Variants in CHL1 observed in about 807,000 individuals in gnomAD.
CHL1 encodes the protein neural cell adhesion molecule L1-like protein.
In CHL1, 96 loss-of-function variants were observed where a neutral mutation model predicts 141.9. The ratio of observed to expected loss-of-function variants is 0.68; its 90% CI spans 0.57 to 0.80. The LOEUF (loss-of-function observed/expected upper bound fraction) is 0.80, where lower values mean the gene tolerates loss of function less well. Among genes scored for constraint, CHL1 ranks in the 30% least tolerant of loss-of-function variants. The pLI is 0.00. For synonymous variants in CHL1, 613 were observed against 502.2 expected, an observed-to-expected ratio of 1.22 and a Z score of -2.95; for missense variants, 1,820 against 1,457.2, an observed-to-expected ratio of 1.25 and a Z score of -4.05.
In CHL1 at chr3:391,665, T is replaced by C. The variant is rs1271719255; in HGVS notation, c.2792-10T>C. On this transcript the variant is annotated splice_polypyrimidine_tract_variant and intron_variant, in intron 22 of 27. Transcript: ENST00000256509. ...TGATGTGAGTTTATTTTTGGTCTTG[T>C]GTTTTCTAGTACCTGAACAGCCAAC... 3 of 1,587,872 alleles carry C rather than the reference T, an allele frequency of 1.9e-6. No homozygotes were observed. Among genetic ancestry groups the C allele is most frequent in the Admixed American group, 3.6e-5 (2 of 55,656 alleles).
chr3:330,181 AG>A (rs1219567914), intron 5 of CHL1, among the ~76,000 whole-genome samples: 1 of 152,148 alleles, frequency 6.6e-6, no homozygotes, highest in Non-Finnish European at 1.5e-5. Context: ...AATAATAAAT[AG>A]AAAACTTAAA....
chr3:394,214 C>G lies in CHL1; in HGVS notation c.2915-479C>G, dbSNP rs185858209. Reference sequence around the variant, plus strand: ...TATTGATTCTATGTATACTGAGTAGCTATTTGGTGCCACATGTTAAACTAG... The same window carrying G: ...TATTGATTCTATGTATACTGAGTAGGTATTTGGTGCCACATGTTAAACTAG... On this transcript the variant is annotated intron_variant, in intron 23 of 27. Coordinates refer to ENST00000256509, the MANE Select transcript of CHL1 (RefSeq NM_006614.4). 7.8e-4 allele frequency among the ~76,000 whole-genome samples: 119 copies of G among 152,210 alleles called. 1 individual carries two copies. The Middle Eastern group carries it at 0.01, about 13-fold the overall frequency.
At chr3:344,867 T>C (rs1178883433) in intron 9 of CHL1, among the ~76,000 whole-genome samples, 158 bp downstream of exon 9, 1 of 152,152 alleles carries the variant, frequency 6.6e-6, no homozygotes, top group African/African-American at 2.4e-5. Flanking sequence ...CTCAGGACTG[T>C]TATTCCAGGT....
chr3:265,105 T>C (rs952716356), intron 2 of CHL1, among the ~76,000 whole-genome samples: 1 of 152,246 alleles, frequency 6.6e-6, no homozygotes, highest in African/African-American at 2.4e-5. Flanking sequence ...CCAAGTGCTG[T>C]GTTTATTTCT....
At chr3:197,712 C>A in intron 1 of CHL1, 2 of 438,822 alleles carry the variant, frequency 4.6e-6, no homozygotes, top group Non-Finnish European at 9.1e-6. Context: ...GCACGAAAAC[C>A]CAGAGAGGGG....
At chr3:350,949 T>G (rs909733170) in intron 10 of CHL1, among the ~76,000 whole-genome samples, 13 of 152,214 alleles carry the variant, frequency 8.5e-5, no homozygotes, top group Non-Finnish European at 2.9e-5. Context: ...CTATATAATT[T>G]GGCTACATCG....
rs1698387511 is a variant in CHL1 at position 197,056 on chromosome 3, C to T, written c.-182C>T. On this transcript the variant is annotated 5_prime_UTR_variant, in exon 1 of 28. Transcript: ENST00000256509. ...CGCCGGACAGATCGCGTTTCGGAGG[C>T]GGCGCAGGTGTGTCAGGGGTGGGGG... 6.6e-6 allele frequency: 1 copy of T among 151,836 alleles called. No homozygotes were observed. The highest frequency in any genetic ancestry group is 1.5e-5 in the Non-Finnish European group (1 of 68,040). 9.4% of individuals were successfully genotyped at this position (151,836 alleles called of 1,614,324 possible). A position where few individuals can be genotyped will look rare whatever the true frequency, so the allele number is the denominator to read the frequency against.
rs372763101 is a variant in CHL1, at chr3:361,743, A to G, written c.1351A>G (p.Thr451Ala). The G allele has an allele frequency of 5.8e-5, 93 of 1,613,450 alleles. No homozygotes were observed. The highest frequency in any genetic ancestry group is 7.5e-5 in the Non-Finnish European group (89 of 1,179,550). ...IQTKDGENYATVVGYSAFLHC... is the reference protein window; with the variant it reads ...IQTKDGENYAAVVGYSAFLHC... ...AACCAAAGATGGAGAAAATTACGCT[A>G]CAGTGGTTGGGTACAGTGCTTTCTT... Residue 451 changes from threonine (T) to alanine (A), a missense_variant, in exon 13 of 28, where the codon ACA becomes GCA. Coordinates refer to ENST00000256509, the MANE Select transcript of CHL1 (RefSeq NM_006614.4).
At chr3:393,288 T>C (rs1708399764) in intron 23 of CHL1, among the ~76,000 whole-genome samples, 1 of 151,764 alleles carries the variant, frequency 6.6e-6, no homozygotes, top group African/African-American at 2.4e-5. Context: ...ATTCTAGATG[T>C]TGAGCTCTTA....
At chr3:238,900 T>C (rs2125078611) in intron 1 of CHL1, among the ~76,000 whole-genome samples, 1 of 152,062 alleles carries the variant, frequency 6.6e-6, no homozygotes, top group African/African-American at 2.4e-5. Flanking sequence ...GCCATTGCAC[T>C]CCAGCCTGGG....
At chr3:294,096 A>G (rs574983887) in intron 2 of CHL1, among the ~76,000 whole-genome samples, 17 of 152,086 alleles carry the variant, frequency 1.1e-4, no homozygotes, top group African/African-American at 3.9e-4. Context: ...AGGCAGGCAG[A>G]TCGGTTGAGC....
intron 1 of CHL1, among the ~76,000 whole-genome samples, chr3:225,041 G>C (rs138341836): frequency 6.6e-6 from 1 of 152,030 alleles, no homozygotes; most frequent in Non-Finnish European, 1.5e-5. Flanking sequence ...GAGGCCGGGC[G>C]GGAGAACACT....
chr3:353,440 G>A (rs1186064389), intron 10 of CHL1, among the ~76,000 whole-genome samples: 1 of 151,972 alleles, frequency 6.6e-6, no homozygotes, highest in Non-Finnish European at 1.5e-5. Flanking sequence ...TTATAATTTG[G>A]ACTAGTGTAT....
intron 1 of CHL1, among the ~76,000 whole-genome samples, chr3:221,485 A>G (rs1700835250): frequency 6.6e-6 from 1 of 152,208 alleles, no homozygotes; most frequent in Non-Finnish European, 1.5e-5. Flanking sequence ...CACTTATTCA[A>G]AGAATCATTT....
chr3:226,410 T>G (rs953609194), intron 1 of CHL1, among the ~76,000 whole-genome samples: 1 of 147,486 alleles, frequency 6.8e-6, no homozygotes, highest in Non-Finnish European at 1.5e-5. Context: ...TAATATATAA[T>G]TATACACACA....
At chr3:395,811 A>C (rs1187019254) in intron 24 of CHL1, among the ~76,000 whole-genome samples, 1 of 152,200 alleles carries the variant, frequency 6.6e-6, no homozygotes. Flanking sequence ...TGCTTTTCCA[A>C]GTTGTAGATT....
At chr3:285,793 A>G (rs767386766) in intron 2 of CHL1, among the ~76,000 whole-genome samples, 1 of 152,190 alleles carries the variant, frequency 6.6e-6, no homozygotes, top group Admixed American at 6.5e-5. Flanking sequence ...TAAAACCAAC[A>G]ACAACAATAT....
At chr3:308,482 T>C (rs907304516) in intron 2 of CHL1, among the ~76,000 whole-genome samples, 1 of 151,888 alleles carries the variant, frequency 6.6e-6, no homozygotes, top group Non-Finnish European at 1.5e-5. Flanking sequence ...GAGAAGTAGA[T>C]TAAAACCATC....
intron 1 of CHL1, among the ~76,000 whole-genome samples, chr3:224,404 G>A (rs568677367): frequency 3.3e-5 from 5 of 152,206 alleles, no homozygotes; most frequent in East Asian, 3.9e-4. Flanking sequence ...CCCAGTGTTC[G>A]AGATTAGGCC....
Sources: gnomAD v4.1 joint callset for allele counts (sites outside exome capture counted in the v4.1 genomes callset) on GRCh38, gnomAD v4.1.1 for gene constraint, MANE v1.5 for transcripts, NCBI Gene and HGNC (gene_info 2026-07-23, HGNC 2026-07-21) for gene names.